Variants in KLF13 observed in about 807,000 individuals in gnomAD.
The protein encoded by KLF13 is Krueppel-like factor 13.
In KLF13, 8 loss-of-function variants were observed where a neutral mutation model predicts 16.7. The ratio of observed to expected loss-of-function variants is 0.48; its 90% confidence interval spans 0.28 to 0.87. The LOEUF (loss-of-function observed/expected upper bound fraction) is 0.87. Ranked by LOEUF, KLF13 falls within the 40% of genes least tolerant of loss-of-function variation. The pLI is 0.10. For missense variants in KLF13, 447 were observed against 452.2 expected, an observed-to-expected ratio of 0.99 and a Z score of 0.10; for synonymous variants, 245 against 208.4, an observed-to-expected ratio of 1.18 and a Z score of -1.51.
chr15:31,340,500 CTGTT>C (rs1318188580), intron 1 of KLF13, among the ~76,000 whole-genome samples: 2 of 152,234 alleles, frequency 1.3e-5, no homozygotes, highest in East Asian at 1.9e-4. Context: ...CATCCTTTCT[CTGTT>C]TGTAAAGCAG....
chr15:31,384,562 T>C (rs559434967), intron 1 of KLF13, among the ~76,000 whole-genome samples: 1 of 152,304 alleles, frequency 6.6e-6, no homozygotes, highest in Non-Finnish European at 1.5e-5. Flanking sequence ...GGTATCACTT[T>C]TGTCATTAAA....
intron 1 of KLF13, among the ~76,000 whole-genome samples, chr15:31,410,477 A>G (rs189249128): frequency 6.6e-6 from 1 of 152,304 alleles, no homozygotes; most frequent in Non-Finnish European, 1.5e-5. Context: ...AAGGCAATCC[A>G]AATTGTATGT....
intron 1 of KLF13, among the ~76,000 whole-genome samples, chr15:31,434,077 G>T (rs1485797228): frequency 6.6e-6 from 1 of 152,194 alleles, no homozygotes; most frequent in Non-Finnish European, 1.5e-5. Flanking sequence ...CCTAGTGGAG[G>T]GTAAGAGGCC....
At chr15:31,358,292 T>G (rs534135792) in intron 1 of KLF13, among the ~76,000 whole-genome samples, 2 of 152,352 alleles carry the variant, frequency 1.3e-5, no homozygotes, top group Admixed American at 1.3e-4. Context: ...TATAGTACAG[T>G]TGCGATTGTC....
chr15:31,329,726 G>A (rs1354614249), intron 1 of KLF13, among the ~76,000 whole-genome samples: 1 of 152,240 alleles, frequency 6.6e-6, no homozygotes, highest in Non-Finnish European at 1.5e-5. Flanking sequence ...AACCCTTTGA[G>A]TGTCTGCAGT....
At chr15:31,344,681 G>A (rs577198820) in intron 1 of KLF13, among the ~76,000 whole-genome samples, 120 of 152,338 alleles carry the variant, frequency 7.9e-4, no homozygotes, top group Middle Eastern at 3.4e-3. Context: ...AGAATGTGGA[G>A]AAGGAGTTCT....
In KLF13 at chr15:31,411,258, A is replaced by G. The variant is rs191623629; in HGVS notation, n.117+17567A>G. ...ACATATTGAATCCAGCAATATATAAATCTTTTTTTTCTGTTTCAGTTGATG... is the reference window on the plus strand; with the variant it reads ...ACATATTGAATCCAGCAATATATAAGTCTTTTTTTTCTGTTTCAGTTGATG... On this transcript the variant is annotated intron_variant and non_coding_transcript_variant, in intron 1 of 1. Coordinates refer to the KLF13 transcript ENST00000558225. 1.4e-3 allele frequency among the ~76,000 whole-genome samples: 220 copies of G among 152,290 alleles called. 2 individuals carry two copies. In the Middle Eastern group the frequency reaches 0.017, roughly 12 times the overall value.
chr15:31,338,127 G>C (rs1286652973), intron 1 of KLF13, among the ~76,000 whole-genome samples: 1 of 152,220 alleles, frequency 6.6e-6, no homozygotes, highest in Non-Finnish European at 1.5e-5. Flanking sequence ...CACTTCAGCA[G>C]TTTGCTTTGG....
At chr15:31,400,110 GC>G (rs1179564706) in intron 2 of KLF13, among the ~76,000 whole-genome samples, 2 of 152,188 alleles carry the variant, frequency 1.3e-5, no homozygotes, top group Non-Finnish European at 2.9e-5. Context: ...GTTCTTGACA[GC>G]CTGCCAGGAG....
chr15:31,379,744 A>G (rs968704174), downstream of KLF13, among the ~76,000 whole-genome samples: 4 of 152,204 alleles, frequency 2.6e-5, no homozygotes, highest in Admixed American at 2.6e-4. Context: ...TCTGTGGCTG[A>G]CAGGTCCTCT....
chr15:31,408,386 TG>T (rs1162552941), downstream of KLF13, among the ~76,000 whole-genome samples: 5 of 152,082 alleles, frequency 3.3e-5, no homozygotes, highest in African/African-American at 1.2e-4. Flanking sequence ...TCACCATCCA[TG>T]GGAAAAAACT....
At chr15:31,435,547 G>C (rs539451772) in exon 2 of KLF13, 1 of 152,298 alleles carries the variant, frequency 6.6e-6, no homozygotes, top group African/African-American at 2.4e-5. Context: ...TCCACCCCCA[G>C]ACCTTCCGAT....
intron 1 of KLF13, among the ~76,000 whole-genome samples, chr15:31,429,365 A>G (rs1168731164): frequency 6.6e-6 from 1 of 152,254 alleles, no homozygotes; most frequent in Non-Finnish European, 1.5e-5. Flanking sequence ...TTCCGCTTAC[A>G]TATGATACCA....
chr15:31,370,434 T>C (rs968283390), intron 1 of KLF13, among the ~76,000 whole-genome samples: 12 of 152,106 alleles, frequency 7.9e-5, no homozygotes, highest in African/African-American at 2.7e-4. Flanking sequence ...GCTTTTTTTT[T>C]TTGAGACAGA....
At chr15:31,415,553 A>C (rs1459077513) in intron 1 of KLF13, among the ~76,000 whole-genome samples, 1 of 152,220 alleles carries the variant, frequency 6.6e-6, no homozygotes, top group Non-Finnish European at 1.5e-5. Context: ...AGGACAAAGA[A>C]AAAATAAAAA....
At chr15:31,369,900 C>A (rs2039530719) in intron 1 of KLF13, among the ~76,000 whole-genome samples, 1 of 152,144 alleles carries the variant, frequency 6.6e-6, no homozygotes, top group African/African-American at 2.4e-5. Context: ...TTTGTTTCTT[C>A]CCCCTCTCTC....
chr15:31,432,469 A>C (rs866583639), intron 1 of KLF13, among the ~76,000 whole-genome samples: 85 of 140,596 alleles, frequency 6.0e-4, no homozygotes, highest in African/African-American at 2.1e-3. Context: ...TTTTTTTTAA[A>C]ATAAGGTCTT....
At chr15:31,365,089 T>C (rs762163308) in intron 1 of KLF13, among the ~76,000 whole-genome samples, 5 of 152,256 alleles carry the variant, frequency 3.3e-5, no homozygotes, top group Non-Finnish European at 7.4e-5. Flanking sequence ...GAGCTAGAAG[T>C]GGCCCCAAAC....
intron 2 of KLF13, among the ~76,000 whole-genome samples, chr15:31,402,191 C>T (rs969172414): frequency 1.3e-5 from 2 of 152,198 alleles, no homozygotes; most frequent in East Asian, 1.9e-4. Context: ...GCCACAGATG[C>T]GGGTTCAGCT....
Sources: allele counts gnomAD v4.1 joint callset (sites outside exome capture counted in the v4.1 genomes callset), GRCh38; gene constraint gnomAD v4.1.1; transcripts MANE v1.5; gene names NCBI Gene and HGNC (gene_info 2026-07-23, HGNC 2026-07-21).